The following ARHGEF3 variants were observed in gnomAD, a reference collection of about 807,000 sequenced individuals.
The protein encoded by ARHGEF3 is 59.8 kDA protein.
A neutral mutation model predicts 63.2 loss-of-function variants in ARHGEF3; 28 were observed. The observed-to-expected ratio is 0.44, with a 90% CI of 0.33 to 0.61. The LOEUF (loss-of-function observed/expected upper bound fraction) is 0.61, where lower values mean the gene tolerates loss of function less well. Among genes scored for constraint, ARHGEF3 ranks in the 20% least tolerant of loss-of-function variants. The pLI, the probability that ARHGEF3 is intolerant of heterozygous loss-of-function variation, is 0.03. For missense variants in ARHGEF3, 533 were observed against 659.3 expected (o/e 0.81, Z 2.10); for synonymous variants, 266 against 254.2 (o/e 1.05, Z -0.44).
rs573382270 is a variant in ARHGEF3 at position 56,906,836 on chromosome 3, C to CA, written c.130-24483dup. On this transcript the variant is annotated intron_variant, in intron 3 of 12. Coordinates refer to the ARHGEF3 transcript ENST00000338458. ...TGGGCGACAGAGCGAGACTCTGTCT[C>CA]AAAAAAAAAAAAGAAAGAAAGAAAG... is the stretch of plus-strand genomic sequence containing the variant. 8.7e-3 allele frequency among the ~76,000 whole-genome samples: 842 copies of CA among 96,696 alleles called. 7 individuals carry two copies. Among genetic ancestry groups the CA allele is most frequent in the African/African-American group, 0.025 (657 of 25,914 alleles). The allele number at this position is 96,696 out of a possible 152,430, so 63.4% of individuals were successfully genotyped here. A position where few individuals can be genotyped will look rare whatever the true frequency, so the allele number is the denominator to read the frequency against.
chr3:56,947,489 T>C (rs1699572715), intron 3 of ARHGEF3, among the ~76,000 whole-genome samples: 1 of 152,232 alleles, frequency 6.6e-6, no homozygotes, highest in Non-Finnish European at 1.5e-5. Flanking sequence ...TAGTCTCTGA[T>C]AAAACACACT....
intron 1 of ARHGEF3, among the ~76,000 whole-genome samples, chr3:56,795,798 C>T (rs370705539): frequency 9.2e-5 from 14 of 152,018 alleles, no homozygotes; most frequent in Admixed American, 5.9e-4. Flanking sequence ...TGTGCCACCA[C>T]GCCTGGCTAA....
At chr3:56,836,225 G>C (rs1465117558) in intron 4 of ARHGEF3, among the ~76,000 whole-genome samples, 1 of 152,174 alleles carries the variant, frequency 6.6e-6, no homozygotes, top group Non-Finnish European at 1.5e-5. Context: ...AACTCCTAAT[G>C]AATAAAGTTC....
At chr3:57,013,271 T>C (rs966858850) in intron 2 of ARHGEF3, among the ~76,000 whole-genome samples, 2 of 152,126 alleles carry the variant, frequency 1.3e-5, no homozygotes, top group Non-Finnish European at 2.9e-5. Flanking sequence ...GTGGGACTGG[T>C]AGGCAGCTCA....
chr3:57,072,426 C>G (rs926407432), intron 1 of ARHGEF3, among the ~76,000 whole-genome samples: 20 of 146,248 alleles, frequency 1.4e-4, no homozygotes, highest in Middle Eastern at 3.6e-3. Flanking sequence ...TAGCACTGTC[C>G]AGGCCAAATA....
chr3:56,956,389 G>A (rs1213084486), intron 3 of ARHGEF3, among the ~76,000 whole-genome samples: 1 of 152,126 alleles, frequency 6.6e-6, no homozygotes, highest in East Asian at 1.9e-4. Context: ...ACAGGTGTGT[G>A]CCACAGTGCC....
chr3:56,864,958 G>T (rs1473960582), intron 4 of ARHGEF3, among the ~76,000 whole-genome samples: 1 of 152,004 alleles, frequency 6.6e-6, no homozygotes, highest in Non-Finnish European at 1.5e-5. Flanking sequence ...AGCCTCCAAG[G>T]TCCCAAAGGC....
At chr3:56,748,822 AG>A (rs2107747477) in intron 6 of ARHGEF3, among the ~76,000 whole-genome samples, 1 of 152,324 alleles carries the variant, frequency 6.6e-6, no homozygotes, top group African/African-American at 2.4e-5. Context: ...ACTCTGTTTA[AG>A]GTCTTCAAAG....
At chr3:57,034,190 C>A (rs1420346289) in intron 2 of ARHGEF3, among the ~76,000 whole-genome samples, 2 of 151,526 alleles carry the variant, frequency 1.3e-5, no homozygotes. Flanking sequence ...TGGCTATTCA[C>A]AAGTGCAATT....
At chr3:57,064,103 C>T (rs1325721536) in intron 1 of ARHGEF3, among the ~76,000 whole-genome samples, 2 of 152,036 alleles carry the variant, frequency 1.3e-5, no homozygotes, top group Non-Finnish European at 2.9e-5. Context: ...CCTGTCTCTA[C>T]CAAAAATACA....
intron 1 of ARHGEF3, chr3:57,078,904 A>G: frequency 4.2e-6 from 1 of 236,912 alleles, no homozygotes; most frequent in Admixed American, 5.6e-5. Flanking sequence ...TACCCGGGGA[A>G]CAGAGTCAGG....
chr3:56,946,757 A>G (rs915133272), intron 3 of ARHGEF3, among the ~76,000 whole-genome samples: 1 of 152,210 alleles, frequency 6.6e-6, no homozygotes, highest in Admixed American at 6.5e-5. Context: ...CCAACATTCA[A>G]ATTCAGGAAA....
At chr3:56,752,092 T>C (rs1284183457) in intron 4 of ARHGEF3, among the ~76,000 whole-genome samples, 2 of 152,164 alleles carry the variant, frequency 1.3e-5, no homozygotes, top group Non-Finnish European at 2.9e-5. Context: ...CTTTTTTTTT[T>C]TGTACTTTTT....
chr3:56,831,383 G>GT (rs2038925866), intron 4 of ARHGEF3, among the ~76,000 whole-genome samples: 1 of 152,262 alleles, frequency 6.6e-6, no homozygotes, highest in East Asian at 1.9e-4. Context: ...CCTTCCAAGG[G>GT]TATTTGGAGT....
At chr3:56,732,491 C>G (rs2033242345) in intron 8 of ARHGEF3, 67 bp from the exon 9 acceptor site, 8 of 1,570,852 alleles carry the variant, frequency 5.1e-6, no homozygotes, top group Non-Finnish European at 5.2e-6. Context: ...ATGTGGACCT[C>G]TGTGGATAAA....
chr3:57,055,160 A>G (rs1288195574), intron 1 of ARHGEF3, among the ~76,000 whole-genome samples: 1 of 133,004 alleles, frequency 7.5e-6, no homozygotes, highest in Non-Finnish European at 1.5e-5. Context: ...TTTTCTCTTT[A>G]TGCTTTTTTT....
Position 56,958,840 on chromosome 3 carries a change from CT to C in ARHGEF3, c.111del (p.Ala38ProfsTer26). On this transcript the variant is annotated frameshift_variant, in exon 3 of 13. Transcript: ENST00000338458. LOFTEE classifies it high-confidence loss of function. ...ACACTTACCCCTCTGAAATTCCAGG[CT>C]TTAGGAGAGGGAAACATGGGAAAGT... 3 of 1,551,576 alleles carry C rather than the reference CT, an allele frequency of 1.9e-6. No homozygotes were observed. In the South Asian group the frequency reaches 3.6e-5, roughly 18 times the overall value.
At chr3:56,741,875 C>T (rs1381490786) in intron 7 of ARHGEF3, among the ~76,000 whole-genome samples, 1 of 152,158 alleles carries the variant, frequency 6.6e-6, no homozygotes, top group Non-Finnish European at 1.5e-5. Flanking sequence ...AGTAGGCTGC[C>T]AATAGCCAGT....
Position 57,036,571 on chromosome 3 carries a change from T to C in ARHGEF3, c.-27-1395A>G, listed in dbSNP as rs533645925. Among the ~76,000 whole-genome samples the C allele has an allele frequency of 2.6e-4, 39 of 152,256 alleles. No homozygotes were observed. In the East Asian group the frequency reaches 3.1e-3, roughly 12 times the overall value. On this transcript the variant is annotated intron_variant, in intron 1 of 12. Coordinates refer to the ARHGEF3 transcript ENST00000338458. ...GCATTCCTCACCACTCTGGGTGTGGTTGAGGATCAAAAGATAGATTTTCTT... is the reference window on the plus strand; with the variant it reads ...GCATTCCTCACCACTCTGGGTGTGGCTGAGGATCAAAAGATAGATTTTCTT...
Sources: allele counts gnomAD v4.1 joint callset (sites outside exome capture counted in the v4.1 genomes callset), GRCh38; gene constraint gnomAD v4.1.1; transcripts MANE v1.5; gene names NCBI Gene and HGNC (gene_info 2026-07-23, HGNC 2026-07-21).